SOX6: variants seen among roughly 807,000 people sequenced by gnomAD.
SOX6 encodes the protein transcription factor SOX-6.
In SOX6, 11 loss-of-function variants were observed where a neutral mutation model predicts 97.8. That is an observed-to-expected ratio of 0.11 (90% confidence interval 0.07 to 0.19). SOX6 has a LOEUF of 0.19. SOX6 is among the 10% of genes least tolerant of loss of function. SOX6 has a pLI of 1.00. For missense variants in SOX6, 810 were observed against 1,039.5 expected, an observed-to-expected ratio of 0.78 and a Z score of 3.04; for synonymous variants, 360 against 371.4, an observed-to-expected ratio of 0.97 and a Z score of 0.35.
intron 9 of SOX6, among the ~76,000 whole-genome samples, chr11:16,089,980 G>A (rs763958583): frequency 1.3e-5 from 2 of 151,904 alleles, no homozygotes; most frequent in Non-Finnish European, 2.9e-5. Flanking sequence ...GAATTCCAAC[G>A]TAGCTCATTA....
intron 3 of SOX6, among the ~76,000 whole-genome samples, chr11:16,252,107 T>C (rs1416441671): frequency 1.3e-5 from 2 of 152,114 alleles, no homozygotes; most frequent in Non-Finnish European, 2.9e-5. Flanking sequence ...CAAAAATATC[T>C]ACTATTACTC....
rs573568004 is a variant in SOX6, at chr11:16,216,389, A to G, written c.535+18193T>C. On this transcript the variant is annotated intron_variant, in intron 4 of 15. Coordinates refer to ENST00000683767, the MANE Select transcript of SOX6 (RefSeq NM_001367873.1). The stretch of plus-strand genomic sequence containing the variant: ...TCTACAAATGCATTCCTTCTCGAAA[A>G]GAAGGATGGATGAGATGAATTCTCA... Among the ~76,000 whole-genome samples, 114 of 152,294 alleles carry G rather than the reference A, an allele frequency of 7.5e-4. 1 individual carries two copies. The highest frequency in any genetic ancestry group is 3.4e-3 in the Middle Eastern group (1 of 294).
rs1860453776 is a variant in SOX6, at chr11:16,487,389, A to G, written n.610-11001T>C. Among the ~76,000 whole-genome samples the G allele has an allele frequency of 2.0e-5, 3 of 152,300 alleles. No individual in the cohort carries two copies. In the South Asian group the frequency reaches 6.2e-4, roughly 32 times the overall value. ...TAGGAATTTCTAGGGATATAGGACA[A>G]CAAAGCATAATCCCAGACCTCCAGG... On this transcript the variant is annotated intron_variant and non_coding_transcript_variant, in intron 4 of 5. Transcript: ENST00000524520.
At chr11:16,285,636 T>C (rs182121430) in intron 3 of SOX6, among the ~76,000 whole-genome samples, 1 of 152,264 alleles carries the variant, frequency 6.6e-6, no homozygotes, top group East Asian at 1.9e-4. Flanking sequence ...GTGCTTAATA[T>C]GCAACAAGAG....
intron 4 of SOX6, among the ~76,000 whole-genome samples, chr11:16,188,201 C>T (rs16932695): frequency 0.011 from 1,502 of 137,728 alleles, 26 homozygotes; most frequent in African/African-American, 0.039. Context: ...TTAGGACTAT[C>T]GTGGGATTCT....
chr11:15,975,726 T>C (rs1025561497), intron 15 of SOX6, among the ~76,000 whole-genome samples: 2 of 152,170 alleles, frequency 1.3e-5, no homozygotes, highest in African/African-American at 4.8e-5. Flanking sequence ...AAGCTGTTTG[T>C]TCAAGGCCAC....
rs1450198896 is a variant in SOX6, at chr11:16,610,536, G to A, written n.609+1545C>T. Among the ~76,000 whole-genome samples the A allele has an allele frequency of 6.6e-6, 1 of 152,164 alleles. No individual in the cohort carries two copies. The highest frequency in any genetic ancestry group is 1.5e-5 in the Non-Finnish European group (1 of 68,028). ...GCGTCCACTGAAGGCCCTAATACCC[G>A]GCCGCGATGAACCTTCCGAAAAGGA... On this transcript the variant is annotated intron_variant and non_coding_transcript_variant, in intron 4 of 5. Transcript: ENST00000524520. The surrounding 1 kb of genome is among the most constrained non-coding windows in gnomAD (Gnocchi z 4.4).
chr11:16,576,670 A>G (rs933558785), intron 4 of SOX6, among the ~76,000 whole-genome samples: 1 of 152,176 alleles, frequency 6.6e-6, no homozygotes, highest in African/African-American at 2.4e-5. Context: ...TTTTAAAGGA[A>G]CTATAATATG....
intron 4 of SOX6, among the ~76,000 whole-genome samples, chr11:16,584,604 T>G (rs1028163149): frequency 1.3e-5 from 2 of 152,198 alleles, no homozygotes; most frequent in African/African-American, 4.8e-5. Context: ...CCTATTGTCA[T>G]GAGGCAAACC....
At chr11:16,584,465 C>T (rs2133969253) in intron 4 of SOX6, among the ~76,000 whole-genome samples, 1 of 152,260 alleles carries the variant, frequency 6.6e-6, no homozygotes, top group South Asian at 2.1e-4. Context: ...TACAGCTGCC[C>T]ACTCAAATAG....
intron 6 of SOX6, among the ~76,000 whole-genome samples, chr11:16,178,746 A>T (rs543275918): frequency 6.6e-6 from 1 of 152,086 alleles, no homozygotes; most frequent in East Asian, 1.9e-4. Context: ...CATACAAAAA[A>T]CGACTATTTG....
chr11:16,080,439 C>T (rs555564728), intron 9 of SOX6, among the ~76,000 whole-genome samples: 3 of 152,104 alleles, frequency 2.0e-5, no homozygotes, highest in African/African-American at 7.2e-5. Flanking sequence ...ACAATAGAAC[C>T]TACTCTGAAA....
intron 7 of SOX6, among the ~76,000 whole-genome samples, chr11:16,109,480 G>T (rs1230745933): frequency 6.6e-6 from 1 of 152,058 alleles, no homozygotes; most frequent in African/African-American, 2.4e-5. Flanking sequence ...GGGATTACAG[G>T]CATGAGCCAC....
At chr11:16,366,180 T>G (rs1399201564) in intron 1 of SOX6, among the ~76,000 whole-genome samples, 1 of 152,156 alleles carries the variant, frequency 6.6e-6, no homozygotes, top group Non-Finnish European at 1.5e-5. Flanking sequence ...AGGCTATTGT[T>G]CAGAATGTCC....
chr11:16,684,734 AAAAT>A (rs1433483491), intron 3 of SOX6, among the ~76,000 whole-genome samples: 2 of 152,166 alleles, frequency 1.3e-5, no homozygotes, highest in Admixed American at 6.5e-5. Context: ...GTATAATTTA[AAAAT>A]AAATAAATAA....
chr11:16,304,060 C>T (rs1855344520), intron 3 of SOX6, among the ~76,000 whole-genome samples: 1 of 151,814 alleles, frequency 6.6e-6, no homozygotes, highest in African/African-American at 2.4e-5. Context: ...GGATTACAAG[C>T]ACACGCCACC....
chr11:16,453,509 G>A (rs1189250131), intron 1 of SOX6, among the ~76,000 whole-genome samples: 1 of 152,004 alleles, frequency 6.6e-6, no homozygotes, highest in Non-Finnish European at 1.5e-5. Context: ...TAATTCATTA[G>A]TACGTTATTC....
intron 1 of SOX6, among the ~76,000 whole-genome samples, chr11:16,378,062 A>G (rs906165324): frequency 3.3e-5 from 5 of 152,214 alleles, no homozygotes; most frequent in Non-Finnish European, 4.4e-5. Context: ...AAAAATTTAT[A>G]TGTTAAATAT....
At chr11:16,014,866 A>G in intron 13 of SOX6, 76 bp downstream of exon 13, 1 of 1,371,258 alleles carries the variant, frequency 7.3e-7, no homozygotes. Context: ...AAAACTATAA[A>G]GATCCTATAT....
Sources: allele counts gnomAD v4.1 joint callset (sites outside exome capture counted in the v4.1 genomes callset), GRCh38; gene constraint gnomAD v4.1.1; non-coding constraint Gnocchi (gnomAD v3.1); transcripts MANE v1.5; gene names NCBI Gene and HGNC (gene_info 2026-07-23, HGNC 2026-07-21).